BEND4: variants seen among roughly 807,000 people sequenced by gnomAD.
The protein encoded by BEND4 is BEN domain containing 4.
Under a neutral mutation model 54.7 loss-of-function variants are expected in BEND4, and 27 were observed. The observed-to-expected ratio is 0.49, with a 90% CI of 0.36 to 0.68. The LOEUF is 0.68. Among genes scored for constraint, BEND4 ranks in the 30% least tolerant of loss-of-function variants. The probability of loss-of-function intolerance (pLI) is 0.00; values close to 1 mark genes in which losing one functional copy is unlikely to be tolerated. For synonymous variants in BEND4, 327 were observed against 299.5 expected (o/e 1.09, Z -0.95); for missense variants, 702 against 697.2 (o/e 1.01, Z -0.08).
intron 2 of BEND4, among the ~76,000 whole-genome samples, chr4:42,145,689 C>CAAA (rs5857833): frequency 9.5e-6 from 1 of 104,876 alleles, no homozygotes; most frequent in East Asian, 3.2e-4. Flanking sequence ...GACTCCATCT[C>CAAA]AAAAAAAAAA....
chr4:42,119,753 C>T (rs1335959015), intron 5 of BEND4, among the ~76,000 whole-genome samples: 1 of 152,114 alleles, frequency 6.6e-6, no homozygotes, highest in African/African-American at 2.4e-5. Flanking sequence ...GTGTGTTCCC[C>T]TATGCTCCAG....
In BEND4 at chr4:42,152,244, C is replaced by T. The variant is rs1037128226; in HGVS notation, c.-101G>A. ...CCTGCCCGCCGGGTCTGCCCTGGTG[C>T]GCGCGTGTGGGAGGGTGTGTGTCTG... On this transcript the variant is annotated 5_prime_UTR_variant, in exon 2 of 6. Transcript: ENST00000502486. The T allele has an allele frequency of 8.7e-7, 1 of 1,147,990 alleles. No homozygotes were observed. The highest frequency in any genetic ancestry group is 1.1e-6 in the Non-Finnish European group (1 of 913,882). 71.1% of individuals were successfully genotyped at this position (1,147,990 alleles called of 1,614,324 possible).
At chr4:42,132,330 G>A (rs1720536730) in intron 3 of BEND4, among the ~76,000 whole-genome samples, 1 of 152,244 alleles carries the variant, frequency 6.6e-6, no homozygotes, top group Non-Finnish European at 1.5e-5. Context: ...GAGAGAGTGA[G>A]TCTTGGCTTT....
rs1311552113 is a variant in BEND4 at position 42,117,610 on chromosome 4, G to A, written c.1513C>T (p.His505Tyr). The change falls in exon 6 of 6, where the codon CAC (histidine) becomes TAC (tyrosine). Residue 505 changes from histidine (H) to tyrosine (Y), a missense_variant. Physicochemically the swap from His to Tyr is moderately conservative, Grantham distance 83. Transcript: ENST00000502486. ...CCTTCATAAAATGAGCCACCGTTGT[G>A]CAGGAAAGTCCCCACCGCCCGCCCC... is the stretch of plus-strand genomic sequence containing the variant. The part of the protein sequence containing the change: ...RQGRAVGTFL[H>Y]NGGSFYEGID... 1.2e-6 allele frequency: 2 copies of A among 1,613,230 alleles called. No individual in the cohort carries two copies. The highest frequency in any genetic ancestry group is 1.7e-6 in the Non-Finnish European group (2 of 1,179,584).
chr4:42,143,469 T>C lies in BEND4; in HGVS notation c.1013A>G (p.Gln338Arg), dbSNP rs759356011. 21 of 1,552,256 alleles carry C rather than the reference T, an allele frequency of 1.4e-5. No homozygotes were observed. The South Asian group carries it at 2.4e-4, about 18-fold the overall frequency. ...TTTCCTTCTGAGCTCTTCATTTTCT[T>C]GTTGCAGTGAAATAACCTCCTGCTC... is the stretch of plus-strand genomic sequence containing the variant. The part of the protein sequence containing the change: ...ELEQEVISLQ[Q>R]ENEELRRKLE... The change falls in exon 3 of 6, where the codon CAA becomes CGA. Residue 338 changes from glutamine to arginine, a missense_variant. Transcript: ENST00000502486.
chr4:42,128,602 C>G (rs558537227), intron 3 of BEND4, among the ~76,000 whole-genome samples: 2 of 150,722 alleles, frequency 1.3e-5, no homozygotes, highest in Non-Finnish European at 2.9e-5. Flanking sequence ...CCAGCCTAGG[C>G]GACAGAGCAA....
At chr4:42,150,276 G>A (rs1721218011) in intron 2 of BEND4, among the ~76,000 whole-genome samples, 3 of 152,004 alleles carry the variant, frequency 2.0e-5, no homozygotes, top group African/African-American at 7.3e-5. Context: ...AAAACACAAT[G>A]GAATATTGGG....
chr4:42,151,609 G>A (rs1442613745), intron 2 of BEND4, 48 bp downstream of exon 2: 2 of 1,422,684 alleles, frequency 1.4e-6, no homozygotes, highest in African/African-American at 1.5e-5. Context: ...GTCCCCTCCC[G>A]CTGCCCCCGG....
intron 2 of BEND4, chr4:42,151,237 A>G (rs1205209281): frequency 3.1e-5 from 5 of 158,842 alleles, no homozygotes; most frequent in East Asian, 1.8e-4. Flanking sequence ...ATGGAGGAAG[A>G]AGGAGAAAGG....
At chr4:42,124,595 G>C (rs577465098) in intron 4 of BEND4, among the ~76,000 whole-genome samples, 1 of 152,322 alleles carries the variant, frequency 6.6e-6, no homozygotes, top group African/African-American at 2.4e-5. Context: ...CACTGGACCA[G>C]ACAACTGGAG....
At position 42,152,146 on chromosome 4, in the gene BEND4, G is replaced by A. The variant is rs747018526; in HGVS notation, c.-3C>T. ...GCCGGCTGCATCTCTTCCTCCATCC[G>A]GCGCCTCGGGGCCGGTCCCTCGGAG... On this transcript the variant is annotated 5_prime_UTR_variant, in exon 2 of 6. Transcript: ENST00000502486. 3.1e-5 allele frequency: 39 copies of A among 1,242,074 alleles called. No homozygotes were observed. The highest frequency in any genetic ancestry group is 8.5e-5 in the Admixed American group (2 of 23,494). 76.9% of individuals were successfully genotyped at this position (1,242,074 alleles called of 1,614,324 possible). A position where few individuals can be genotyped will look rare whatever the true frequency, so the allele number is the denominator to read the frequency against.
chr4:42,148,280 T>C (rs769752268), intron 2 of BEND4, among the ~76,000 whole-genome samples: 4 of 152,158 alleles, frequency 2.6e-5, no homozygotes, highest in Non-Finnish European at 4.4e-5. Context: ...TTTTTCATAA[T>C]GGCAAACATC....
Position 42,143,463 on chromosome 4 carries a change from T to C in BEND4, c.1019A>G (p.Asn340Ser). The part of the protein sequence containing the change: ...EQEVISLQQE[N>S]EELRRKLESI... ...CTCTAATTTCCTTCTGAGCTCTTCA[T>C]TTTCTTGTTGCAGTGAAATAACCTC... The change falls in exon 3 of 6, where the codon AAT becomes AGT. Residue 340 changes from asparagine to serine, a missense_variant. Asn to Ser is a conservative substitution (Grantham distance 46). Transcript: ENST00000502486. 1 of 1,552,236 alleles carries C rather than the reference T, an allele frequency of 6.4e-7. No homozygotes were observed. Among genetic ancestry groups the C allele is most frequent in the Non-Finnish European group, 8.7e-7 (1 of 1,147,124 alleles).
chr4:42,132,363 C>T (rs1720538603), intron 3 of BEND4, among the ~76,000 whole-genome samples: 1 of 152,148 alleles, frequency 6.6e-6, no homozygotes, highest in South Asian at 2.1e-4. Flanking sequence ...GTCAGGGGAT[C>T]GTTGAGGAGC....
rs1010243933 is a variant in BEND4 at position 42,111,175 on chromosome 4, T to C, written c.*6343A>G. ...AAAACAACTTACTCTTCTATATAAATTGTTCACAAAAAAATCTTGCTATTC... is the reference window on the plus strand; with the variant it reads ...AAAACAACTTACTCTTCTATATAAACTGTTCACAAAAAAATCTTGCTATTC... On this transcript the variant is annotated 3_prime_UTR_variant, in exon 6 of 6. Coordinates refer to ENST00000502486, the MANE Select transcript of BEND4 (RefSeq NM_207406.4). 4 of 152,228 alleles carry C rather than the reference T, an allele frequency of 2.6e-5. No individual in the cohort carries two copies. The highest frequency in any genetic ancestry group is 2.0e-4 in the Admixed American group (3 of 15,286). 9.4% of individuals were successfully genotyped at this position (152,228 alleles called of 1,614,324 possible).
chr4:42,133,613 G>C (rs1720584504), intron 3 of BEND4, among the ~76,000 whole-genome samples: 1 of 152,190 alleles, frequency 6.6e-6, no homozygotes, highest in Non-Finnish European at 1.5e-5. Flanking sequence ...CCAGCACTTT[G>C]GGATGCTGAG....
At position 42,111,966 on chromosome 4, in the gene BEND4, G is replaced by C. The variant is rs1281273879; in HGVS notation, c.*5552C>G. 1 of 152,186 alleles carries C rather than the reference G, an allele frequency of 6.6e-6. No homozygotes were observed. Among genetic ancestry groups the C allele is most frequent in the East Asian group, 1.9e-4 (1 of 5,198 alleles). The allele number at this position is 152,186 out of a possible 1,614,324, so 9.4% of individuals were successfully genotyped here. A position where few individuals can be genotyped will look rare whatever the true frequency, so the allele number is the denominator to read the frequency against. On this transcript the variant is annotated 3_prime_UTR_variant, in exon 6 of 6. Coordinates refer to ENST00000502486, the MANE Select transcript of BEND4 (RefSeq NM_207406.4). ...CATCATAGGATCTTACGTAGGTCAAGCCTTATACAGAAACCTGGGCAGATC... is the reference window on the plus strand; with the variant it reads ...CATCATAGGATCTTACGTAGGTCAACCCTTATACAGAAACCTGGGCAGATC...
At chr4:42,149,702 T>G (rs1426146480) in intron 2 of BEND4, among the ~76,000 whole-genome samples, 1 of 150,602 alleles carries the variant, frequency 6.6e-6, no homozygotes, top group Non-Finnish European at 1.5e-5. Context: ...AAAAAGAACA[T>G]TTAGAACAAG....
At chr4:42,120,816 G>A (rs776265221) in intron 4 of BEND4, among the ~76,000 whole-genome samples, 1 of 150,676 alleles carries the variant, frequency 6.6e-6, no homozygotes, top group Non-Finnish European at 1.5e-5. Flanking sequence ...TTTAAGAAGG[G>A]AGAATTGTGG....
Sources: allele counts gnomAD v4.1 joint callset (sites outside exome capture counted in the v4.1 genomes callset), GRCh38; gene constraint gnomAD v4.1.1; transcripts MANE v1.5; gene names NCBI Gene and HGNC (gene_info 2026-07-23, HGNC 2026-07-21).